The following DGKB variants were observed in gnomAD, a reference collection of about 807,000 sequenced individuals.
DGKB encodes the protein diacylglycerol kinase beta.
DGKB carries 67 observed loss-of-function variants against 114.3 expected under a neutral mutation model. The observed-to-expected ratio is 0.59, with a 90% CI of 0.48 to 0.72. DGKB has a LOEUF of 0.72. Ranked by LOEUF, DGKB falls within the 30% of genes least tolerant of loss-of-function variation. The probability of loss-of-function intolerance (pLI) is 0.00; values close to 1 mark genes in which losing one functional copy is unlikely to be tolerated. For synonymous variants in DGKB, 398 were observed against 323.1 expected (o/e 1.23, Z -2.49); for missense variants, 907 against 975.2 (o/e 0.93, Z 0.93).
rs190629027 is a variant in DGKB, at chr7:14,780,504, T to G, written c.71-22773A>C. Among the ~76,000 whole-genome samples the G allele has an allele frequency of 4.4e-3, 665 of 152,326 alleles. 7 individuals are homozygous for G. The highest frequency in any genetic ancestry group is 0.015 in the African/African-American group (622 of 41,566). ...GAGAGCAGTTGTGATGCTAGGTTAA[T>G]TCTATGCCACTTGGAGAATGTTCCA... On this transcript the variant is annotated intron_variant, in intron 2 of 25. Coordinates refer to ENST00000402815, the MANE Select transcript of DGKB (RefSeq NM_001350709.2).
intron 4 of DGKB, among the ~76,000 whole-genome samples, chr7:14,751,202 GT>G (rs1834076783): frequency 6.6e-6 from 1 of 152,056 alleles, no homozygotes; most frequent in African/African-American, 2.4e-5. Context: ...AGTAATGTTG[GT>G]TTTAACTTAT....
chr7:14,815,918 C>T (rs1844078459), intron 2 of DGKB, among the ~76,000 whole-genome samples: 1 of 152,126 alleles, frequency 6.6e-6, no homozygotes. Context: ...TCAGGTGAAA[C>T]TGAAGGAAGA....
intron 21 of DGKB, among the ~76,000 whole-genome samples, chr7:14,360,445 A>T (rs1815496690): frequency 6.8e-6 from 1 of 146,234 alleles, no homozygotes; most frequent in African/African-American, 2.6e-5. Context: ...CCTAGAACTT[A>T]AAGTATATAT....
chr7:14,408,922 AG>A (rs1489274961), intron 21 of DGKB, among the ~76,000 whole-genome samples: 1 of 152,186 alleles, frequency 6.6e-6, no homozygotes, highest in South Asian at 2.1e-4. Context: ...AGCGCATAAA[AG>A]ATATGTAGAT....
chr7:14,667,279 G>C (rs1255435562), intron 13 of DGKB, among the ~76,000 whole-genome samples: 1 of 151,888 alleles, frequency 6.6e-6, no homozygotes, highest in Non-Finnish European at 1.5e-5. Context: ...AATGGCTATG[G>C]ATCTTGACCT....
intron 1 of DGKB, among the ~76,000 whole-genome samples, chr7:14,865,571 G>C (rs1303771084): frequency 1.3e-5 from 2 of 152,154 alleles, no homozygotes; most frequent in Admixed American, 6.6e-5. Flanking sequence ...TTCTCCGTTT[G>C]GCTTCCTTTT....
chr7:14,635,651 T>C (rs1425459385), intron 13 of DGKB, among the ~76,000 whole-genome samples: 1 of 151,630 alleles, frequency 6.6e-6, no homozygotes, highest in Non-Finnish European at 1.5e-5. Flanking sequence ...TTAATTTACA[T>C]ATAATTCATT....
intron 13 of DGKB, among the ~76,000 whole-genome samples, chr7:14,634,150 T>C (rs1319495466): frequency 1.3e-5 from 2 of 150,918 alleles, no homozygotes; most frequent in Admixed American, 6.6e-5. Context: ...TTTATATTTT[T>C]ATATATATAT....
chr7:14,295,638 C>T lies in DGKB; in HGVS notation c.2122+42877G>A, dbSNP rs142754865. 4.8e-3 allele frequency among the ~76,000 whole-genome samples: 737 copies of T among 152,012 alleles called. 5 individuals are homozygous for T. Among genetic ancestry groups the T allele is most frequent in the South Asian group, 0.025 (120 of 4,820 alleles). On this transcript the variant is annotated intron_variant, in intron 23 of 25. Transcript: ENST00000402815. ...CAACTATCTCAAAATTTTGAGCATA[C>T]TCTTGCTTTCCAGTAAATAAATATG...
intron 23 of DGKB, among the ~76,000 whole-genome samples, chr7:14,221,574 G>A (rs988490180): frequency 9.3e-5 from 14 of 151,210 alleles, no homozygotes; most frequent in African/African-American, 9.7e-5. Context: ...CAGTTTGTTA[G>A]TATTTTGCTA....
chr7:14,693,690 C>G (rs964357424), intron 9 of DGKB, among the ~76,000 whole-genome samples: 1 of 151,520 alleles, frequency 6.6e-6, no homozygotes, highest in African/African-American at 2.4e-5. Context: ...AATAGATTAC[C>G]TTTATAGGTA....
rs553783539 is a variant in DGKB at position 14,657,971 on chromosome 7, C to G, written c.1134+14958G>C. Among the ~76,000 whole-genome samples, 452 of 151,992 alleles carry G rather than the reference C, an allele frequency of 3.0e-3. 3 individuals are homozygous for G. Among genetic ancestry groups the G allele is most frequent in the Non-Finnish European group, 4.4e-3 (301 of 67,900 alleles). On this transcript the variant is annotated intron_variant, in intron 13 of 25. Coordinates refer to ENST00000402815, the MANE Select transcript of DGKB (RefSeq NM_001350709.2). Reference sequence around the variant, plus strand: ...CTTCCTAACAAACTTTCTGACATTGCTGAGAAATAATGACTTAGTTCAACA... The same window carrying G: ...CTTCCTAACAAACTTTCTGACATTGGTGAGAAATAATGACTTAGTTCAACA...
intron 23 of DGKB, among the ~76,000 whole-genome samples, chr7:14,319,077 A>G (rs551244118): frequency 6.7e-6 from 1 of 149,796 alleles, no homozygotes; most frequent in Admixed American, 6.7e-5. Flanking sequence ...CATAGGTGGG[A>G]ATTGAACAAT....
intron 21 of DGKB, among the ~76,000 whole-genome samples, chr7:14,452,169 T>C (rs1274389777): frequency 1.3e-5 from 2 of 152,088 alleles, no homozygotes; most frequent in African/African-American, 4.8e-5. Context: ...CATACATATG[T>C]GGGCTTAAAT....
intron 21 of DGKB, among the ~76,000 whole-genome samples, chr7:14,394,203 A>G (rs1384369819): frequency 4.6e-5 from 7 of 152,164 alleles, no homozygotes; most frequent in African/African-American, 1.2e-4. Context: ...GGTTTCCACA[A>G]CTTACTTGGG....
intron 20 of DGKB, among the ~76,000 whole-genome samples, chr7:14,520,454 C>T (rs1252297740): frequency 6.6e-6 from 1 of 151,710 alleles, no homozygotes; most frequent in Non-Finnish European, 1.5e-5. Flanking sequence ...CTACTACAGG[C>T]ATTTACATCT....
chr7:14,887,730 C>T (rs1780537277), intron 1 of DGKB, among the ~76,000 whole-genome samples: 1 of 151,780 alleles, frequency 6.6e-6, no homozygotes. Flanking sequence ...GACTTATTTT[C>T]TTCATGACAT....
At chr7:14,663,002 T>C (rs933437271) in intron 13 of DGKB, among the ~76,000 whole-genome samples, 1 of 151,972 alleles carries the variant, frequency 6.6e-6, no homozygotes, top group Non-Finnish European at 1.5e-5. Context: ...CAGCTATGCA[T>C]AGTTATAAGC....
intron 23 of DGKB, among the ~76,000 whole-genome samples, chr7:14,337,904 T>C (rs895169817): frequency 1.3e-5 from 2 of 152,166 alleles, no homozygotes; most frequent in Non-Finnish European, 2.9e-5. Context: ...TATATTACAA[T>C]AGAGTTGAAA....
Sources: allele counts gnomAD v4.1 joint callset (sites outside exome capture counted in the v4.1 genomes callset), GRCh38; gene constraint gnomAD v4.1.1; transcripts MANE v1.5; gene names NCBI Gene and HGNC (gene_info 2026-07-23, HGNC 2026-07-21).